PPFIA2: variants seen among roughly 807,000 people sequenced by gnomAD.
The protein encoded by PPFIA2 is PPFI scaffold protein A2, also known as liprin-alpha-2.
Under a neutral mutation model 175.5 loss-of-function variants are expected in PPFIA2, and 46 were observed. The observed-to-expected ratio is 0.26, with a 90% CI of 0.21 to 0.34. The LOEUF is 0.34. Ranked by LOEUF, PPFIA2 falls within the 10% of genes least tolerant of loss-of-function variation. The probability of loss-of-function intolerance (pLI) is 1.00; values close to 1 mark genes in which losing one functional copy is unlikely to be tolerated. For missense variants in PPFIA2, 1,179 were observed against 1,506.1 expected, an observed-to-expected ratio of 0.78 and a Z score of 3.60; for synonymous variants, 568 against 511.4, an observed-to-expected ratio of 1.11 and a Z score of -1.49.
intron 24 of PPFIA2, among the ~76,000 whole-genome samples, chr12:81,285,615 T>C (rs1287623806): frequency 6.6e-6 from 1 of 152,112 alleles, no homozygotes; most frequent in Admixed American, 6.6e-5. Flanking sequence ...AAAGTTCCTG[T>C]CACCTAGTGA....
At chr12:81,551,872 A>T (rs1171862629) in intron 4 of PPFIA2, among the ~76,000 whole-genome samples, 1 of 151,812 alleles carries the variant, frequency 6.6e-6, no homozygotes, top group Non-Finnish European at 1.5e-5. Flanking sequence ...GATACTGTGG[A>T]ATCTTATTTT....
chr12:81,434,853 T>G (rs1276370719), intron 7 of PPFIA2, among the ~76,000 whole-genome samples: 3 of 152,206 alleles, frequency 2.0e-5, no homozygotes, highest in Non-Finnish European at 4.4e-5. Context: ...TTATTAAAAT[T>G]TCAAACACTA....
chr12:81,368,713 C>G lies in PPFIA2; in HGVS notation c.1482+12G>C. 6.2e-7 allele frequency: 1 copy of G among 1,601,736 alleles called. No individual in the cohort carries two copies. Among genetic ancestry groups the G allele is most frequent in the Non-Finnish European group, 8.5e-7 (1 of 1,174,524 alleles). On this transcript the variant is annotated intron_variant, in intron 13 of 32. Transcript: ENST00000549396. ...AAAATATTCATGTGATTTTACCCTT[C>G]TATCGTTTTACCTTTTCTTCTAGAG...
intron 4 of PPFIA2, among the ~76,000 whole-genome samples, chr12:81,508,281 G>A (rs746100380): frequency 4.6e-5 from 7 of 151,928 alleles, no homozygotes; most frequent in Non-Finnish European, 1.0e-4. Flanking sequence ...CAGCACTTTG[G>A]GAGGCCGAGG....
At chr12:81,650,499 C>T (rs1596005432) in intron 4 of PPFIA2, among the ~76,000 whole-genome samples, 1 of 151,888 alleles carries the variant, frequency 6.6e-6, no homozygotes, top group African/African-American at 2.4e-5. Context: ...TGCATAAGAG[C>T]AAATCTACCA....
At chr12:81,512,933 A>G (rs7308256) in intron 4 of PPFIA2, among the ~76,000 whole-genome samples, 1 of 151,766 alleles carries the variant, frequency 6.6e-6, no homozygotes, top group African/African-American at 2.4e-5. Flanking sequence ...TTCTGAACAG[A>G]AAAATAAATA....
intron 4 of PPFIA2, among the ~76,000 whole-genome samples, chr12:81,588,854 G>T (rs2075644975): frequency 6.6e-6 from 1 of 151,908 alleles, no homozygotes; most frequent in African/African-American, 2.4e-5. Flanking sequence ...ACTGTACTCA[G>T]TGTATTAAAT....
chr12:81,342,266 T>C (rs551703676), intron 19 of PPFIA2, among the ~76,000 whole-genome samples: 2 of 152,268 alleles, frequency 1.3e-5, no homozygotes, highest in African/African-American at 4.8e-5. Flanking sequence ...CTGCATATTT[T>C]TCATGGCATC....
At chr12:81,655,962 A>C (rs766909916) in intron 4 of PPFIA2, among the ~76,000 whole-genome samples, 5 of 152,036 alleles carry the variant, frequency 3.3e-5, no homozygotes, top group African/African-American at 4.8e-5. Context: ...ATAAACATTA[A>C]AAATTTTTCT....
chr12:81,560,749 C>T (rs935897503), intron 4 of PPFIA2, among the ~76,000 whole-genome samples: 2 of 152,112 alleles, frequency 1.3e-5, no homozygotes, highest in East Asian at 1.9e-4. Flanking sequence ...TATTTGGAAT[C>T]GCAGAGATGT....
At chr12:81,716,718 T>C (rs942922539) in intron 3 of PPFIA2, among the ~76,000 whole-genome samples, 3 of 151,810 alleles carry the variant, frequency 2.0e-5, no homozygotes, top group Non-Finnish European at 4.4e-5. Context: ...GAAAAACTTC[T>C]TGGAAGCTTT....
chr12:81,370,926 C>T, intron 11 of PPFIA2, among the ~76,000 whole-genome samples: 1 of 151,618 alleles, frequency 6.6e-6, no homozygotes, highest in East Asian at 1.9e-4. Flanking sequence ...CACTTTATGC[C>T]AATATAGAAC....
chr12:81,325,992 A>G (rs756178734), intron 21 of PPFIA2, 122 bp from the exon 22 acceptor site: 82 of 644,478 alleles, frequency 1.3e-4, no homozygotes, highest in Admixed American at 5.0e-5. Context: ...TTTTCCTTAT[A>G]TTACTAACCC....
chr12:81,574,326 T>C (rs1440339976), intron 4 of PPFIA2, among the ~76,000 whole-genome samples: 1 of 151,852 alleles, frequency 6.6e-6, no homozygotes, highest in African/African-American at 2.4e-5. Context: ...TTTTAAAGAA[T>C]TAGATTATAC....
chr12:81,532,581 A>G (rs1485954277), intron 4 of PPFIA2, among the ~76,000 whole-genome samples: 1 of 151,822 alleles, frequency 6.6e-6, no homozygotes, highest in Admixed American at 6.6e-5. Context: ...ATAAAATACT[A>G]TACAGTTAGA....
At chr12:81,533,653 CA>C (rs1567217310) in intron 4 of PPFIA2, among the ~76,000 whole-genome samples, 1 of 151,120 alleles carries the variant, frequency 6.6e-6, no homozygotes, top group African/African-American at 2.4e-5. Flanking sequence ...AATGTTATAC[CA>C]AAACTCCTCT....
intron 22 of PPFIA2, among the ~76,000 whole-genome samples, chr12:81,319,967 T>C (rs2139549151): frequency 6.6e-6 from 1 of 152,114 alleles, no homozygotes; most frequent in African/African-American, 2.4e-5. Context: ...TTACTTTCTG[T>C]GTATATAGAA....
chr12:81,755,587 A>C (rs2084514405), intron 2 of PPFIA2, among the ~76,000 whole-genome samples: 1 of 152,164 alleles, frequency 6.6e-6, no homozygotes, highest in African/African-American at 2.4e-5. Flanking sequence ...TGGGTTATTG[A>C]GGAGCGAAAT....
chr12:81,383,466 C>T (rs965158454), intron 9 of PPFIA2, among the ~76,000 whole-genome samples: 14 of 152,080 alleles, frequency 9.2e-5, no homozygotes, highest in Admixed American at 2.0e-4. Context: ...GTACTCTCTT[C>T]ACTTGATATT....
Sources: allele counts gnomAD v4.1 joint callset (sites outside exome capture counted in the v4.1 genomes callset), GRCh38; gene constraint gnomAD v4.1.1; transcripts MANE v1.5; gene names NCBI Gene and HGNC (gene_info 2026-07-23, HGNC 2026-07-21).